The following SIPA1L3 variants were observed in gnomAD, a reference collection of about 807,000 sequenced individuals.
SIPA1L3 encodes signal induced proliferation associated 1 like 3, also known as signal-induced proliferation-associated 1-like protein 3.
Under a neutral mutation model 150.1 loss-of-function variants are expected in SIPA1L3, and 59 were observed. The ratio of observed to expected loss-of-function variants is 0.39; its 90% CI spans 0.32 to 0.49. The LOEUF is 0.49. Among genes scored for constraint, SIPA1L3 ranks in the 20% least tolerant of loss-of-function variants. SIPA1L3 has a pLI of 0.86. For missense variants in SIPA1L3, 2,211 were observed against 2,489.5 expected, an observed-to-expected ratio of 0.89 and a Z score of 2.38; for synonymous variants, 1,070 against 1,077.6, an observed-to-expected ratio of 0.99 and a Z score of 0.14.
chr19:38,082,648 G>C lies in SIPA1L3; in HGVS notation c.1083G>C (p.Ser361=), dbSNP rs772712332. 5 of 1,606,806 alleles carry C rather than the reference G, an allele frequency of 3.1e-6. No homozygotes were observed. Among genetic ancestry groups the C allele is most frequent in the Non-Finnish European group, 3.4e-6 (4 of 1,179,722 alleles). The change falls in exon 3 of 22, where the codon TCG becomes TCC. Residue 361 remains serine (S), a synonymous_variant. Transcript: ENST00000222345. The part of the protein sequence containing the change: ...DLNEAAANRV[S]VSQRRNTTTG... ...ACGAGGCGGCCGCCAACAGGGTGTC[G>C]GTGTCGCAGCGGCGGAACACCACCA...
Position 38,082,339 on chromosome 19 carries a change from G to C in SIPA1L3, c.774G>C (p.Lys258Asn). The C allele has an allele frequency of 1.3e-6, 2 of 1,598,778 alleles. No homozygotes were observed. The highest frequency in any genetic ancestry group is 1.7e-4 in the Middle Eastern group (1 of 6,050). ...TCATGGGGGGCGGCGGCGGAGCCAAGGGGGACTCCCACAACGGGCAGCCCG... is the reference window on the plus strand; with the variant it reads ...TCATGGGGGGCGGCGGCGGAGCCAACGGGGACTCCCACAACGGGCAGCCCG... ...PHLMGGGGGA[K>N]GDSHNGQPAK... The change falls in exon 3 of 22, where the codon AAG becomes AAC. Residue 258 changes from lysine to asparagine, a missense_variant. This residue lies in a region of SIPA1L3 where 587 missense variants were observed against 534.5 expected (regional missense o/e 1.10). Coordinates refer to ENST00000222345, the MANE Select transcript of SIPA1L3 (RefSeq NM_015073.3).
intron 8 of SIPA1L3, among the ~76,000 whole-genome samples, chr19:38,116,767 T>C (rs2145889577): frequency 6.6e-6 from 1 of 151,846 alleles, no homozygotes; most frequent in East Asian, 1.9e-4. Flanking sequence ...GGTGGGAGAA[T>C]TGACTGAACC....
chr19:38,022,405 G>T (rs1186307906), intron 1 of SIPA1L3, among the ~76,000 whole-genome samples: 2 of 152,062 alleles, frequency 1.3e-5, no homozygotes, highest in Non-Finnish European at 2.9e-5. Context: ...TCCAGCCTGG[G>T]TGACAGAGTG....
At chr19:38,099,884 A>G (rs1970461540) in intron 4 of SIPA1L3, 78 bp from the exon 5 acceptor site, 1 of 1,225,220 alleles carries the variant, frequency 8.2e-7, no homozygotes, top group Non-Finnish European at 1.1e-6. Context: ...CTCTTTCAAA[A>G]CAAGATACCT....
intron 1 of SIPA1L3, among the ~76,000 whole-genome samples, chr19:38,028,308 T>A (rs1968560907): frequency 6.6e-6 from 1 of 151,986 alleles, no homozygotes; most frequent in African/African-American, 2.4e-5. Flanking sequence ...CCTTCATCTG[T>A]CCCCCCTGCC....
intron 1 of SIPA1L3, among the ~76,000 whole-genome samples, chr19:37,954,374 C>G (rs1167201983): frequency 6.6e-6 from 1 of 152,064 alleles, no homozygotes; most frequent in Non-Finnish European, 1.5e-5. Flanking sequence ...TTATTGTTCA[C>G]TAAAGGCTAC....
At chr19:37,944,277 C>CAA (rs911462304) in intron 1 of SIPA1L3, among the ~76,000 whole-genome samples, 3 of 100,706 alleles carry the variant, frequency 3.0e-5, no homozygotes, top group South Asian at 3.2e-4. Context: ...GACTCCGTCT[C>CAA]AAAAAAAAAA....
intron 9 of SIPA1L3, among the ~76,000 whole-genome samples, chr19:38,127,642 C>T (rs1449217231): frequency 1.3e-5 from 2 of 151,968 alleles, no homozygotes; most frequent in African/African-American, 4.8e-5. Context: ...AAGCGTATGC[C>T]ACCATGCTCA....
chr19:38,009,768 G>A (rs1489596543), intron 1 of SIPA1L3, among the ~76,000 whole-genome samples: 1 of 151,940 alleles, frequency 6.6e-6, no homozygotes, highest in Non-Finnish European at 1.5e-5. Context: ...CCCTGGCCTC[G>A]TTGCCACACT....
At chr19:38,019,252 G>A (rs766752971) in intron 1 of SIPA1L3, among the ~76,000 whole-genome samples, 2 of 152,194 alleles carry the variant, frequency 1.3e-5, no homozygotes, top group Non-Finnish European at 2.9e-5. Flanking sequence ...GCCTGGTGTG[G>A]CAGCTTCACA....
intron 15 of SIPA1L3, among the ~76,000 whole-genome samples, chr19:38,172,328 C>T (rs757707207): frequency 1.3e-5 from 2 of 152,132 alleles, no homozygotes; most frequent in East Asian, 1.9e-4. Flanking sequence ...GGGCAGCCAG[C>T]GGGGACTGAT....
At chr19:38,147,226 A>G (rs1971719855) in intron 12 of SIPA1L3, among the ~76,000 whole-genome samples, 1 of 151,692 alleles carries the variant, frequency 6.6e-6, no homozygotes, top group Non-Finnish European at 1.5e-5. Flanking sequence ...CCTCCCAGCT[A>G]ATTTTTGTAT....
chr19:38,204,181 G>C lies in SIPA1L3; in HGVS notation c.5175G>C (p.Leu1725=), dbSNP rs372029463. The change falls in exon 21 of 22, where the codon CTG becomes CTC. Residue 1725 remains leucine (L), a synonymous_variant. Coordinates refer to ENST00000222345, the MANE Select transcript of SIPA1L3 (RefSeq NM_015073.3). ...AGGTGTACCAGCTGGAGGTGATGCT[G>C]AAACAGCTGCACACTGACCTGCAGA... ...TGKVYQLEVM[L]KQLHTDLQKE... is the part of the protein sequence containing the mutation. 1.3e-6 allele frequency: 2 copies of C among 1,558,262 alleles called. No homozygotes were observed. Among genetic ancestry groups the C allele is most frequent in the Middle Eastern group, 1.9e-4 (1 of 5,384 alleles).
chr19:38,128,881 C>G (rs919920034), intron 9 of SIPA1L3, among the ~76,000 whole-genome samples: 4 of 151,120 alleles, frequency 2.6e-5, no homozygotes, highest in Admixed American at 6.6e-5. Context: ...TGGGCGACAG[C>G]GAGACTCCGT....
chr19:37,999,602 C>G (rs995909255), intron 1 of SIPA1L3, among the ~76,000 whole-genome samples: 1 of 152,124 alleles, frequency 6.6e-6, no homozygotes, highest in Non-Finnish European at 1.5e-5. Flanking sequence ...GGTCTCAGTC[C>G]GGGCGGGCGA....
intron 1 of SIPA1L3, among the ~76,000 whole-genome samples, chr19:38,009,451 G>A (rs1368856830): frequency 6.6e-6 from 1 of 152,116 alleles, no homozygotes; most frequent in African/African-American, 2.4e-5. Flanking sequence ...TTGCCCAAGA[G>A]ACCTCCTCAG....
At chr19:38,140,537 G>A (rs890091511) in intron 10 of SIPA1L3, among the ~76,000 whole-genome samples, 1 of 152,176 alleles carries the variant, frequency 6.6e-6, no homozygotes, top group East Asian at 1.9e-4. Context: ...TACCGCTAAG[G>A]GGGGCCAGGC....
intron 10 of SIPA1L3, among the ~76,000 whole-genome samples, chr19:38,139,345 G>A (rs986482750): frequency 6.6e-6 from 1 of 152,186 alleles, no homozygotes; most frequent in African/African-American, 2.4e-5. Flanking sequence ...CTGGAGCCAG[G>A]AAGTGGGGTC....
chr19:37,942,379 G>A (rs1665426088), intron 1 of SIPA1L3, among the ~76,000 whole-genome samples: 1 of 151,864 alleles, frequency 6.6e-6, no homozygotes, highest in Admixed American at 6.6e-5. Context: ...CCTCGGGGTG[G>A]TGACATGCCA....
Sources: allele counts gnomAD v4.1 joint callset (sites outside exome capture counted in the v4.1 genomes callset), GRCh38; gene constraint gnomAD v4.1.1; regional missense constraint gnomAD v4.1.1; transcripts MANE v1.5; gene names NCBI Gene and HGNC (gene_info 2026-07-23, HGNC 2026-07-21).